RAPGEF6: variants seen among roughly 807,000 people sequenced by gnomAD.
RAPGEF6 encodes the protein PDZ domain containing guanine nucleotide exchange factor (GEF) 2.
A neutral mutation model predicts 171.4 loss-of-function variants in RAPGEF6; 56 were observed. That is an observed-to-expected ratio of 0.33 (90% CI 0.26 to 0.41). RAPGEF6 has a LOEUF of 0.41. Among genes scored for constraint, RAPGEF6 ranks in the 10% least tolerant of loss-of-function variants. The pLI is 1.00. For missense variants in RAPGEF6, 1,674 were observed against 1,921.4 expected (o/e 0.87, Z 2.41); for synonymous variants, 692 against 650.1 (o/e 1.06, Z -0.98).
At chr5:131,527,732 G>A (rs1232705542) in intron 6 of RAPGEF6, among the ~76,000 whole-genome samples, 1 of 151,968 alleles carries the variant, frequency 6.6e-6, no homozygotes, top group East Asian at 1.9e-4. Context: ...GATGCTTCTA[G>A]GGGCCAGGCG....
At chr5:131,450,261 T>C (rs143942440) in intron 21 of RAPGEF6, among the ~76,000 whole-genome samples, 82 of 152,306 alleles carry the variant, frequency 5.4e-4, no homozygotes, top group Middle Eastern at 3.4e-3. Flanking sequence ...CAAAATACTT[T>C]ATAAAAATAT....
chr5:131,481,729 CATG>C (rs1251619633), intron 15 of RAPGEF6, among the ~76,000 whole-genome samples: 11 of 152,276 alleles, frequency 7.2e-5, no homozygotes, highest in Admixed American at 1.3e-4. Flanking sequence ...AATGATGAGT[CATG>C]GTGCCTGAAG....
chr5:131,430,647 A>G, intron 26 of RAPGEF6: 1 of 722,914 alleles, frequency 1.4e-6, no homozygotes, highest in Non-Finnish European at 2.5e-6. Flanking sequence ...ATACCTTCAC[A>G]TCAGACTTTT....
intron 3 of RAPGEF6, among the ~76,000 whole-genome samples, chr5:131,596,398 A>G: frequency 6.6e-6 from 1 of 150,580 alleles, no homozygotes; most frequent in Non-Finnish European, 1.5e-5. Flanking sequence ...TACAGTATAT[A>G]TTAACACACA....
intron 17 of RAPGEF6, among the ~76,000 whole-genome samples, chr5:131,464,890 A>T (rs566352928): frequency 1.3e-5 from 2 of 152,262 alleles, no homozygotes; most frequent in Admixed American, 6.5e-5. Flanking sequence ...AGTGTAAGGG[A>T]ACAAATTTGG....
At chr5:131,633,592 G>T (rs1029395955) in intron 1 of RAPGEF6, among the ~76,000 whole-genome samples, 1 of 151,884 alleles carries the variant, frequency 6.6e-6, no homozygotes, top group African/African-American at 2.4e-5. Flanking sequence ...TTAGCCGGGC[G>T]TGGTGGCGCC....
intron 4 of RAPGEF6, among the ~76,000 whole-genome samples, chr5:131,578,611 T>C (rs1166663159): frequency 6.6e-6 from 1 of 152,066 alleles, no homozygotes. Flanking sequence ...CAAACAACTA[T>C]CCCTGTTGCC....
intron 21 of RAPGEF6, 90 bp from the exon 22 acceptor site, chr5:131,446,793 G>T: frequency 8.8e-7 from 1 of 1,133,618 alleles, no homozygotes; most frequent in Non-Finnish European, 1.3e-6. Context: ...TTCTGTTAAT[G>T]CTATTGCATG....
chr5:131,456,070 G>A, intron 19 of RAPGEF6, 58 bp from the exon 20 acceptor site: 2 of 1,299,296 alleles, frequency 1.5e-6, no homozygotes, highest in Non-Finnish European at 2.2e-6. Flanking sequence ...GGTGGACTCA[G>A]GTCAGCATAT....
chr5:131,596,986 A>T (rs1279277548), intron 3 of RAPGEF6, among the ~76,000 whole-genome samples: 1 of 152,210 alleles, frequency 6.6e-6, no homozygotes, highest in Non-Finnish European at 1.5e-5. Flanking sequence ...TGCAAACTAT[A>T]CCTCTGACAA....
chr5:131,535,811 TAGTTACTA>T (rs1293588982), intron 6 of RAPGEF6, among the ~76,000 whole-genome samples: 6 of 152,160 alleles, frequency 3.9e-5, no homozygotes, highest in Non-Finnish European at 8.8e-5. Flanking sequence ...AAGGTTCTGA[TAGTTACTA>T]AACTAACTGT....
At chr5:131,431,394 C>T (rs747326954) in intron 25 of RAPGEF6, 45 bp from the exon 26 acceptor site, 1 of 1,534,102 alleles carries the variant, frequency 6.5e-7, no homozygotes, top group South Asian at 1.3e-5. Context: ...GCCAGAAAAA[C>T]TATCTTCTCT....
rs554550057 is a variant in RAPGEF6 at position 131,431,462 on chromosome 5, T to C, written c.3975-113A>G. On this transcript the variant is annotated intron_variant, in intron 25 of 27. Coordinates refer to ENST00000509018, the MANE Select transcript of RAPGEF6 (RefSeq NM_016340.6). ...ACAGAGCACGTACCACAAGTGTTCA[T>C]GCCAAATAACATCGTGAGGAAAACA... 7.3e-5 allele frequency: 85 copies of C among 1,158,080 alleles called. 1 individual carries two copies. In the South Asian group the frequency reaches 1.2e-3, roughly 17 times the overall value. 71.7% of individuals were successfully genotyped at this position (1,158,080 alleles called of 1,614,324 possible). A position where few individuals can be genotyped will look rare whatever the true frequency, so the allele number is the denominator to read the frequency against.
intron 12 of RAPGEF6, among the ~76,000 whole-genome samples, chr5:131,496,136 G>C (rs1269253495): frequency 6.6e-6 from 1 of 152,142 alleles, no homozygotes; most frequent in East Asian, 1.9e-4. Flanking sequence ...GAGTCCAGGA[G>C]TTTGAGACCA....
chr5:131,495,563 A>G lies in RAPGEF6; in HGVS notation c.1517T>C (p.Leu506Pro). The change falls in exon 13 of 28, where the codon CTG (leucine) becomes CCG (proline). Residue 506 changes from leucine to proline, a missense_variant. By Grantham distance (98) the Leu-to-Pro change is moderately conservative. Around this residue, in one of 3 missense-constraint regions of RAPGEF6, gnomAD observed 1,116 missense variants for 1,321.5 expected, o/e 0.84. Coordinates refer to ENST00000509018, the MANE Select transcript of RAPGEF6 (RefSeq NM_016340.6). ...TRFLEEFEKN[L>P]EDTKMNGHLR... The stretch of plus-strand genomic sequence containing the variant: ...TATTTTGAGCCTTACTGTATCTTCC[A>G]GATTTTTTTCAAATTCCTCTAGAAA... 6.2e-7 allele frequency: 1 copy of G among 1,613,532 alleles called. No individual in the cohort carries two copies. The highest frequency in any genetic ancestry group is 1.3e-5 in the African/African-American group (1 of 75,038).
chr5:131,484,954 G>C (rs1241375537), intron 15 of RAPGEF6, among the ~76,000 whole-genome samples: 10 of 152,150 alleles, frequency 6.6e-5, no homozygotes, highest in African/African-American at 9.7e-5. Flanking sequence ...TAGAGACAGA[G>C]TCTTGCTCGT....
At chr5:131,476,778 C>T (rs1281816119) in intron 16 of RAPGEF6, among the ~76,000 whole-genome samples, 2 of 152,118 alleles carry the variant, frequency 1.3e-5, no homozygotes, top group Non-Finnish European at 2.9e-5. Context: ...GTGATCTGTC[C>T]ACCTCGGCCT....
chr5:131,534,291 A>G (rs1187619527), intron 6 of RAPGEF6, among the ~76,000 whole-genome samples: 2 of 152,104 alleles, frequency 1.3e-5, no homozygotes, highest in African/African-American at 2.4e-5. Flanking sequence ...TCTTTGAGAA[A>G]AGTCTGAGTC....
chr5:131,527,824 G>A (rs1758991756), intron 6 of RAPGEF6, among the ~76,000 whole-genome samples: 3 of 151,560 alleles, frequency 2.0e-5, no homozygotes, highest in South Asian at 4.1e-4. Flanking sequence ...GACCATCCTG[G>A]CTAACACGGT....
Sources: allele counts gnomAD v4.1 joint callset (sites outside exome capture counted in the v4.1 genomes callset), GRCh38; gene constraint gnomAD v4.1.1; regional missense constraint gnomAD v4.1.1; transcripts MANE v1.5; gene names NCBI Gene and HGNC (gene_info 2026-07-23, HGNC 2026-07-21).